Variants in ARID5B observed in about 807,000 individuals in gnomAD.
The protein encoded by ARID5B is AT-rich interaction domain 5B.
A neutral mutation model predicts 97.2 loss-of-function variants in ARID5B; 13 were observed. That is an observed-to-expected ratio of 0.13 (90% confidence interval 0.09 to 0.21). ARID5B has a LOEUF of 0.21. ARID5B is among the 10% of genes least tolerant of loss of function. ARID5B has a pLI of 1.00. For synonymous variants in ARID5B, 556 were observed against 570.3 expected (o/e 0.97, Z 0.36); for missense variants, 1,210 against 1,465.3 (o/e 0.83, Z 2.84).
chr10:61,902,941 C>A (rs1039111736), intron 2 of ARID5B, among the ~76,000 whole-genome samples: 4 of 152,010 alleles, frequency 2.6e-5, no homozygotes, highest in Non-Finnish European at 5.9e-5. Context: ...TTGGCAAAGA[C>A]GTGTTGAATA....
chr10:62,050,942 A>T lies in ARID5B; in HGVS notation c.788A>T (p.Asp263Val), dbSNP rs768544889. 1 of 1,614,176 alleles carries T rather than the reference A, an allele frequency of 6.2e-7. No homozygotes were observed. Among genetic ancestry groups the T allele is most frequent in the Admixed American group, 1.7e-5 (1 of 60,032 alleles). ...AAGAAACCATGCCCACAAAGAAGAGATTCATTCAGTGGTGTTAAGGATTCC... is the reference window on the plus strand; with the variant it reads ...AAGAAACCATGCCCACAAAGAAGAGTTTCATTCAGTGGTGTTAAGGATTCC... Reference protein sequence around the residue: ...RKKKPCPQRRDSFSGVKDSNN... With the variant: ...RKKKPCPQRRVSFSGVKDSNN... Residue 263 changes from aspartate to valine, a missense_variant, in exon 5 of 10, where the codon GAT (aspartate) becomes GTT (valine). Transcript: ENST00000279873.
At chr10:62,076,524 C>T (rs955479398) in intron 8 of ARID5B, among the ~76,000 whole-genome samples, 7 of 137,690 alleles carry the variant, frequency 5.1e-5, no homozygotes, top group Non-Finnish European at 9.2e-5. Context: ...ATCACGCCAC[C>T]GCACTCCGGT....
Position 62,000,270 on chromosome 10 carries a change from AC to A in ARID5B, c.684del (p.Phe229LeufsTer7). The A allele has an allele frequency of 6.2e-7, 1 of 1,612,870 alleles. No individual in the cohort carries two copies. Among genetic ancestry groups the A allele is most frequent in the Non-Finnish European group, 8.5e-7 (1 of 1,179,746 alleles). ...RNPQILYCRD[T>X]FDHPTLIENE... Reference sequence around the variant, plus strand: ...CCCTCAGATCCTGTACTGTCGGGACACCTTTGACCACCCGACTCTCATAGAA... The same window carrying A: ...CCCTCAGATCCTGTACTGTCGGGACACTTTGACCACCCGACTCTCATAGAA... On this transcript the variant is annotated frameshift_variant, in exon 4 of 10. Coordinates refer to ENST00000279873, the MANE Select transcript of ARID5B (RefSeq NM_032199.3). LOFTEE classifies it high-confidence loss of function. The surrounding 1 kb of genome is among the most constrained non-coding windows in gnomAD (Gnocchi z 4.4).
intron 4 of ARID5B, among the ~76,000 whole-genome samples, chr10:62,035,325 G>A (rs1839548221): frequency 2.6e-5 from 4 of 152,150 alleles, no homozygotes; most frequent in Admixed American, 2.6e-4. Flanking sequence ...CACAGAGGGA[G>A]GCATTTGTTT....
intron 8 of ARID5B, among the ~76,000 whole-genome samples, chr10:62,084,701 CTTTCAGA>C (rs963983819): frequency 2.0e-5 from 3 of 152,180 alleles, no homozygotes; most frequent in Admixed American, 6.5e-5. Flanking sequence ...CTATTTTTCC[CTTTCAGA>C]TAAAGAGCTA....
chr10:61,977,680 C>A (rs1838719456), intron 3 of ARID5B, among the ~76,000 whole-genome samples: 1 of 152,112 alleles, frequency 6.6e-6, no homozygotes, highest in Non-Finnish European at 1.5e-5. Flanking sequence ...CTGTTCATAT[C>A]CTTTGCCCAC....
chr10:62,032,776 C>T (rs1466507507), intron 4 of ARID5B, among the ~76,000 whole-genome samples: 1 of 152,122 alleles, frequency 6.6e-6, no homozygotes, highest in African/African-American at 2.4e-5. Context: ...AGAAACAAAA[C>T]CAGGACTTGG....
In ARID5B at chr10:62,093,897, T is replaced by C. The variant is rs1370347073; in HGVS notation, c.*867T>C. 4.3e-6 allele frequency: 1 copy of C among 233,554 alleles called. No homozygotes were observed. Among genetic ancestry groups the C allele is most frequent in the Non-Finnish European group, 8.5e-6 (1 of 118,068 alleles). 14.5% of individuals were successfully genotyped at this position (233,554 alleles called of 1,614,324 possible). A position where few individuals can be genotyped will look rare whatever the true frequency, so the allele number is the denominator to read the frequency against. On this transcript the variant is annotated 3_prime_UTR_variant, in exon 10 of 10. Coordinates refer to ENST00000279873, the MANE Select transcript of ARID5B (RefSeq NM_032199.3). The stretch of plus-strand genomic sequence containing the variant: ...CACAATAGTGCAAAGAACGTTCCTT[T>C]GTAGATCCGCAACTTAAGGATTTTG...
At chr10:61,906,141 A>T (rs1376011580) in intron 2 of ARID5B, among the ~76,000 whole-genome samples, 2 of 152,166 alleles carry the variant, frequency 1.3e-5, no homozygotes, top group African/African-American at 2.4e-5. Flanking sequence ...AGCTTTATAT[A>T]CTATAAAGTA....
chr10:61,991,041 T>TACACACACACACACACACACAC (rs397802272), intron 3 of ARID5B, among the ~76,000 whole-genome samples: 65 of 145,154 alleles, frequency 4.5e-4, no homozygotes, highest in African/African-American at 1.5e-3. Flanking sequence ...ATTTATCCTG[T>TACACACACACACACACACACAC]ACACACACAC....
intron 8 of ARID5B, among the ~76,000 whole-genome samples, chr10:62,082,693 G>A (rs531961837): frequency 3.3e-5 from 5 of 152,264 alleles, no homozygotes; most frequent in South Asian, 2.1e-4. Flanking sequence ...CCACATGTAC[G>A]TTGAACGTTT....
intron 2 of ARID5B, among the ~76,000 whole-genome samples, chr10:61,902,756 T>G (rs536539750): frequency 1.3e-5 from 2 of 152,160 alleles, no homozygotes; most frequent in Admixed American, 1.3e-4. Context: ...GAACATCACA[T>G]GCTTTTTATA....
At chr10:61,963,846 A>C (rs1838507651) in intron 3 of ARID5B, among the ~76,000 whole-genome samples, 1 of 151,920 alleles carries the variant, frequency 6.6e-6, no homozygotes. Flanking sequence ...CCGGGGAAGA[A>C]ATGACCTGTG....
intron 2 of ARID5B, among the ~76,000 whole-genome samples, chr10:61,920,192 A>G (rs901280479): frequency 6.6e-6 from 1 of 152,106 alleles, no homozygotes; most frequent in African/African-American, 2.4e-5. Flanking sequence ...GCCAAGAGGA[A>G]TCTTGCTTCA....
Position 62,090,878 on chromosome 10 carries a change from A to G in ARID5B, c.1415A>G (p.Glu472Gly). ...TGTTACCAGGTTTCATCAGAGCAAG[A>G]AAAAGAACAAGAGACTTTAATAAGC... ...QDAAEVSSEQ[E>G]KEQETLISQK... The change falls in exon 10 of 10, where the codon GAA becomes GGA. Residue 472 changes from glutamate to glycine, a missense_variant. Physicochemically the swap from Glu to Gly is moderately conservative, Grantham distance 98. Coordinates refer to ENST00000279873, the MANE Select transcript of ARID5B (RefSeq NM_032199.3). The G allele has an allele frequency of 6.3e-7, 1 of 1,582,294 alleles. No individual in the cohort carries two copies. The highest frequency in any genetic ancestry group is 8.5e-7 in the Non-Finnish European group (1 of 1,170,838).
intron 4 of ARID5B, among the ~76,000 whole-genome samples, chr10:62,030,242 G>T (rs1432912303): frequency 6.6e-6 from 1 of 151,794 alleles, no homozygotes; most frequent in African/African-American, 2.4e-5. Flanking sequence ...CGATTCTCCT[G>T]TCTCAGCCTC....
chr10:61,980,672 T>TA (rs1330719400), intron 3 of ARID5B, among the ~76,000 whole-genome samples: 2 of 152,192 alleles, frequency 1.3e-5, no homozygotes, highest in South Asian at 2.1e-4. Flanking sequence ...AGCCCTCTCT[T>TA]ACAATAATAG....
chr10:62,077,528 C>T (rs898406394), intron 8 of ARID5B, among the ~76,000 whole-genome samples: 5 of 133,162 alleles, frequency 3.8e-5, no homozygotes, highest in African/African-American at 1.3e-4. Context: ...TTTGACCCCC[C>T]CCAAAAAAAA....
At chr10:61,959,817 C>G (rs1838444650) in intron 3 of ARID5B, among the ~76,000 whole-genome samples, 1 of 152,118 alleles carries the variant, frequency 6.6e-6, no homozygotes, top group African/African-American at 2.4e-5. Context: ...TGGTTGGTCA[C>G]CTAGTCTAGT....
Sources: gnomAD v4.1 joint callset for allele counts (sites outside exome capture counted in the v4.1 genomes callset) on GRCh38, gnomAD v4.1.1 for gene constraint, Gnocchi (gnomAD v3.1) non-coding constraint, MANE v1.5 for transcripts, NCBI Gene and HGNC (gene_info 2026-07-23, HGNC 2026-07-21) for gene names.